Variants in ANK2 observed in about 807,000 individuals in gnomAD.
ANK2 encodes ankyrin-2.
Under a neutral mutation model 360.5 loss-of-function variants are expected in ANK2, and 83 were observed. The observed-to-expected ratio is 0.23, with a 90% CI of 0.19 to 0.28. ANK2 has a LOEUF of 0.28. Ranked by LOEUF, ANK2 falls within the 10% of genes least tolerant of loss-of-function variation. The pLI, the probability that ANK2 is intolerant of heterozygous loss-of-function variation, is 1.00. For synonymous variants in ANK2, 1,740 were observed against 1,759.5 expected (o/e 0.99, Z 0.28); for missense variants, 4,201 against 4,795.7 (o/e 0.88, Z 3.66).
intron 1 of ANK2, among the ~76,000 whole-genome samples, chr4:113,138,112 G>T (rs950452780): frequency 6.6e-5 from 10 of 152,074 alleles, no homozygotes; most frequent in African/African-American, 2.4e-4. Context: ...ATATATGAAG[G>T]ATCATAAATA....
chr4:113,053,416 T>G (rs1216104167), intron 1 of ANK2, among the ~76,000 whole-genome samples: 1 of 152,176 alleles, frequency 6.6e-6, no homozygotes, highest in Non-Finnish European at 1.5e-5. Context: ...CTAACAGATA[T>G]TGCCCAAGGT....
At chr4:113,135,399 A>T (rs898004045) in intron 1 of ANK2, among the ~76,000 whole-genome samples, 2 of 151,990 alleles carry the variant, frequency 1.3e-5, no homozygotes, top group African/African-American at 4.8e-5. Flanking sequence ...GGAAAAGGGG[A>T]ACCAATAATG....
chr4:113,247,229 CA>C, intron 9 of ANK2, among the ~76,000 whole-genome samples: 1 of 150,272 alleles, frequency 6.7e-6, no homozygotes, highest in Admixed American at 6.6e-5. Flanking sequence ...CCATAACCTG[CA>C]ACTACAAACT....
At chr4:113,139,449 A>G (rs1252787612) in intron 1 of ANK2, among the ~76,000 whole-genome samples, 2 of 152,172 alleles carry the variant, frequency 1.3e-5, no homozygotes, top group African/African-American at 2.4e-5. Flanking sequence ...TTTTTATTTT[A>G]ATCACTTGAC....
intron 2 of ANK2, among the ~76,000 whole-genome samples, chr4:113,002,245 A>G (rs900194361): frequency 6.6e-6 from 1 of 152,198 alleles, no homozygotes; most frequent in African/African-American, 2.4e-5. Flanking sequence ...TCATGCTGCT[A>G]TAAAGACACA....
chr4:113,027,660 A>G (rs1326207848), intron 2 of ANK2, among the ~76,000 whole-genome samples: 1 of 152,108 alleles, frequency 6.6e-6, no homozygotes, highest in Non-Finnish European at 1.5e-5. Flanking sequence ...ATTGAATGTT[A>G]TGGCACACTT....
rs1588940847 is a variant in ANK2, at chr4:113,354,863, G to A, written c.6245G>A (p.Gly2082Glu). Residue 2082 changes from glycine (G) to glutamate (E), a missense_variant, in exon 38 of 46, where the codon GGA becomes GAA. Coordinates refer to ENST00000357077, the MANE Select transcript of ANK2 (RefSeq NM_001148.6). ...GGAGTTAAGAAAGAAGATGCAGCTG[G>A]AGGAAAGGAGAAAGTTCTCAGCCAC... is the stretch of plus-strand genomic sequence containing the variant. ...SIGVKKEDAA[G>E]GKEKVLSHKI... 1 of 1,614,100 alleles carries A rather than the reference G, an allele frequency of 6.2e-7. No homozygotes were observed. The highest frequency in any genetic ancestry group is 2.2e-5 in the East Asian group (1 of 44,878).
intron 1 of ANK2, chr4:112,826,997 T>C: frequency 1.1e-5 from 17 of 1,516,678 alleles, no homozygotes; most frequent in Non-Finnish European, 1.5e-5. Context: ...TTATTGGAGT[T>C]CTACAAAAGA....
At chr4:112,982,745 A>G (rs1375927420) in intron 2 of ANK2, among the ~76,000 whole-genome samples, 1 of 152,162 alleles carries the variant, frequency 6.6e-6, no homozygotes, top group African/African-American at 2.4e-5. Context: ...GAAAAATGAC[A>G]TAAAAACTAG....
chr4:112,976,728 T>C (rs1445494701), intron 2 of ANK2, among the ~76,000 whole-genome samples: 1 of 152,136 alleles, frequency 6.6e-6, no homozygotes, highest in African/African-American at 2.4e-5. Flanking sequence ...TTTTTTCCCC[T>C]TTAAGAGAGC....
intron 1 of ANK2, among the ~76,000 whole-genome samples, chr4:112,879,303 T>C (rs2076083236): frequency 6.6e-6 from 1 of 152,206 alleles, no homozygotes; most frequent in Non-Finnish European, 1.5e-5. Context: ...TTGTGGCTTC[T>C]ATCCTGTTCT....
chr4:112,883,284 C>G (rs887242990), intron 1 of ANK2, among the ~76,000 whole-genome samples: 5 of 151,818 alleles, frequency 3.3e-5, no homozygotes, highest in Non-Finnish European at 5.9e-5. Flanking sequence ...AGTGATCCAC[C>G]CACATTGGCC....
chr4:113,365,231 GTTGTGTC>G (rs757662061), intron 41 of ANK2, 49 bp downstream of exon 41: 4 of 1,332,268 alleles, frequency 3.0e-6, no homozygotes, highest in Non-Finnish European at 1.0e-6. Context: ...GTGTGTGTGT[GTTGTGTC>G]TGTGTGTGGT....
At chr4:113,138,361 C>T (rs1375041082) in intron 1 of ANK2, among the ~76,000 whole-genome samples, 1 of 152,192 alleles carries the variant, frequency 6.6e-6, no homozygotes, top group African/African-American at 2.4e-5. Context: ...TTTACAGTAA[C>T]TCTCTGATGT....
chr4:112,960,116 C>T (rs80064035), intron 2 of ANK2, among the ~76,000 whole-genome samples: 2,575 of 152,254 alleles, frequency 0.017, 69 homozygotes, highest in African/African-American at 0.058. Context: ...AGCCAAACAA[C>T]TCAGATGAAT....
chr4:112,838,608 C>T (rs1461719922), intron 1 of ANK2, among the ~76,000 whole-genome samples: 1 of 152,246 alleles, frequency 6.6e-6, no homozygotes, highest in Non-Finnish European at 1.5e-5. Context: ...TGGCTCATGC[C>T]TGTAATCCCA....
At chr4:113,191,487 A>G (rs1455870872) in intron 2 of ANK2, among the ~76,000 whole-genome samples, 1 of 152,216 alleles carries the variant, frequency 6.6e-6, no homozygotes, top group Non-Finnish European at 1.5e-5. Context: ...TTGTAATTCA[A>G]AATACTTAAA....
At chr4:113,020,224 C>T (rs891816830) in intron 2 of ANK2, among the ~76,000 whole-genome samples, 1 of 152,056 alleles carries the variant, frequency 6.6e-6, no homozygotes, top group African/African-American at 2.4e-5. Flanking sequence ...TTCTCTGTTG[C>T]CCAAGGCCGG....
At chr4:113,138,146 A>G (rs1463178691) in intron 1 of ANK2, among the ~76,000 whole-genome samples, 1 of 152,240 alleles carries the variant, frequency 6.6e-6, no homozygotes, top group Non-Finnish European at 1.5e-5. Context: ...TGAAGTGTAT[A>G]GATACATTTA....
Sources: gnomAD v4.1 joint callset for allele counts (sites outside exome capture counted in the v4.1 genomes callset) on GRCh38, gnomAD v4.1.1 for gene constraint, MANE v1.5 for transcripts, NCBI Gene and HGNC (gene_info 2026-07-23, HGNC 2026-07-21) for gene names.